Variants in THSD4 observed in about 807,000 individuals in gnomAD.
THSD4 encodes thrombospondin type-1 domain-containing protein 4.
In THSD4, 69 loss-of-function variants were observed where a neutral mutation model predicts 119.0. The ratio of observed to expected loss-of-function variants is 0.58; its 90% confidence interval spans 0.48 to 0.71. The LOEUF is 0.71. Ranked by LOEUF, THSD4 falls within the 30% of genes least tolerant of loss-of-function variation. The pLI is 0.00. For missense variants in THSD4, 1,393 were observed against 1,391.1 expected (o/e 1.00, Z -0.02); for synonymous variants, 524 against 540.4 (o/e 0.97, Z 0.42).
chr15:71,546,106 C>G (rs74022160), intron 7 of THSD4, among the ~76,000 whole-genome samples: 1,930 of 152,246 alleles, frequency 0.013, 46 homozygotes, highest in African/African-American at 0.045. Context: ...TCATCATAAC[C>G]ATAGGATGGC....
intron 7 of THSD4, among the ~76,000 whole-genome samples, chr15:71,499,089 T>G (rs552032197): frequency 1.4e-4 from 21 of 152,158 alleles, no homozygotes; most frequent in Non-Finnish European, 2.4e-4. Flanking sequence ...TTCTAAGTGC[T>G]GTAGCTTGGC....
chr15:71,429,241 T>C (rs1208457443), intron 7 of THSD4, among the ~76,000 whole-genome samples: 3 of 152,142 alleles, frequency 2.0e-5, no homozygotes, highest in Non-Finnish European at 2.9e-5. Flanking sequence ...CCCTTCTCCA[T>C]AGAGGAAAGA....
chr15:71,143,471 C>T (rs1465245579), intron 2 of THSD4, among the ~76,000 whole-genome samples: 2 of 151,832 alleles, frequency 1.3e-5, no homozygotes, highest in South Asian at 2.1e-4. Flanking sequence ...AGGTCACAGT[C>T]GGTTATTGAA....
intron 1 of THSD4, among the ~76,000 whole-genome samples, chr15:71,139,656 A>G (rs998021361): frequency 6.6e-6 from 1 of 152,232 alleles, no homozygotes; most frequent in African/African-American, 2.4e-5. Context: ...GGCCTGTGGT[A>G]ACTTAAAATC....
rs1011745273 is a variant in THSD4, at chr15:71,777,522, C to T, written c.*148C>T. ...ACCACCCCTGCCTCCGGTGAATGCA[C>T]CCCGTGGTACCCAGGGGCTTTTTAC... On this transcript the variant is annotated 3_prime_UTR_variant, in exon 18 of 18. Coordinates refer to ENST00000261862, the MANE Select transcript of THSD4 (RefSeq NM_024817.3). The T allele has an allele frequency of 1.1e-5, 12 of 1,088,478 alleles. No individual in the cohort carries two copies. The highest frequency in any genetic ancestry group is 1.6e-5 in the South Asian group (1 of 62,278). 67.4% of individuals were successfully genotyped at this position (1,088,478 alleles called of 1,614,324 possible).
intron 7 of THSD4, among the ~76,000 whole-genome samples, chr15:71,575,055 C>T (rs976178433): frequency 6.6e-6 from 1 of 152,052 alleles, no homozygotes; most frequent in Non-Finnish European, 1.5e-5. Flanking sequence ...ATCTCACTAT[C>T]GTATTTACTA....
intron 7 of THSD4, among the ~76,000 whole-genome samples, chr15:71,480,607 G>A (rs542435946): frequency 2.0e-5 from 3 of 152,274 alleles, no homozygotes; most frequent in African/African-American, 4.8e-5. Context: ...GAGGTGGAGC[G>A]GGCTCTGCTC....
intron 7 of THSD4, among the ~76,000 whole-genome samples, chr15:71,497,527 AGGCATATAT>A (rs1217162914): frequency 1.3e-5 from 2 of 152,002 alleles, no homozygotes; most frequent in East Asian, 3.9e-4. Context: ...ACAAAAAAAA[AGGCATATAT>A]GTGAGTGAAA....
chr15:71,370,291 C>T (rs1470906847), intron 6 of THSD4, among the ~76,000 whole-genome samples: 3 of 152,130 alleles, frequency 2.0e-5, no homozygotes, highest in Non-Finnish European at 4.4e-5. Flanking sequence ...TTCAGTTCTG[C>T]TCTGATCTTA....
chr15:71,638,255 C>CA, intron 7 of THSD4, among the ~76,000 whole-genome samples: 1 of 152,244 alleles, frequency 6.6e-6, no homozygotes, highest in Non-Finnish European at 1.5e-5. Context: ...ATAGTGTAGA[C>CA]AAGTGAATAC....
intron 7 of THSD4, among the ~76,000 whole-genome samples, chr15:71,425,974 T>C (rs2046861409): frequency 6.6e-6 from 1 of 152,204 alleles, no homozygotes; most frequent in African/African-American, 2.4e-5. Context: ...TCTGAATTTC[T>C]CGAGTCCTTG....
chr15:71,777,369 A>G lies in THSD4; in HGVS notation c.3052A>G (p.Arg1018Gly), dbSNP rs1314421769. Residue 1018 changes from arginine (R) to glycine (G), a missense_variant, in exon 18 of 18, where the codon AGA becomes GGA. Coordinates refer to ENST00000261862, the MANE Select transcript of THSD4 (RefSeq NM_024817.3). ...CAGGCAGACGGGCTTCCTGGGGAGC[A>G]GATAACACTCCTGCACCCCCATCAG... Reference protein sequence around the residue: ...ANRQTGFLGSR With the variant: ...ANRQTGFLGSG The G allele has an allele frequency of 4.3e-6, 7 of 1,613,606 alleles. No homozygotes were observed. The highest frequency in any genetic ancestry group is 5.9e-6 in the Non-Finnish European group (7 of 1,179,922).
chr15:71,249,609 T>TAC (rs907310891), intron 5 of THSD4, among the ~76,000 whole-genome samples: 6 of 151,720 alleles, frequency 4.0e-5, no homozygotes, highest in Non-Finnish European at 7.4e-5. Context: ...CATATATATA[T>TAC]ACACACACAC....
At chr15:71,374,511 A>G (rs1222872009) in intron 6 of THSD4, among the ~76,000 whole-genome samples, 1 of 152,134 alleles carries the variant, frequency 6.6e-6, no homozygotes, top group Admixed American at 6.5e-5. Context: ...TAAATATCCA[A>G]ATCAGAAAGT....
chr15:71,527,361 A>G (rs1205324124), intron 7 of THSD4, among the ~76,000 whole-genome samples: 2 of 152,348 alleles, frequency 1.3e-5, no homozygotes, highest in African/African-American at 2.4e-5. Flanking sequence ...TGATGAATAC[A>G]AAAAGGCTTG....
At chr15:71,109,283 C>G (rs1042231114) in intron 1 of THSD4, among the ~76,000 whole-genome samples, 2 of 152,164 alleles carry the variant, frequency 1.3e-5, no homozygotes, top group African/African-American at 4.8e-5. Context: ...TGTCTGTAAG[C>G]CATGATGTGG....
chr15:71,398,796 C>T (rs750230979), intron 6 of THSD4, among the ~76,000 whole-genome samples: 10 of 152,166 alleles, frequency 6.6e-5, no homozygotes, highest in Non-Finnish European at 1.2e-4. Context: ...CAGTTCTGCA[C>T]AGGTTTCATG....
intron 1 of THSD4, among the ~76,000 whole-genome samples, chr15:71,125,869 T>G (rs1213500075): frequency 1.3e-5 from 2 of 152,238 alleles, no homozygotes; most frequent in Non-Finnish European, 2.9e-5. Flanking sequence ...GAGACCCGTC[T>G]TAAGTAGACG....
At chr15:71,573,061 A>G (rs1252217683) in intron 7 of THSD4, among the ~76,000 whole-genome samples, 1 of 152,132 alleles carries the variant, frequency 6.6e-6, no homozygotes, top group Non-Finnish European at 1.5e-5. Context: ...TTACACATAG[A>G]GGCCTGAGCT....
Sources: gnomAD v4.1 joint callset for allele counts (sites outside exome capture counted in the v4.1 genomes callset) on GRCh38, gnomAD v4.1.1 for gene constraint, MANE v1.5 for transcripts, NCBI Gene and HGNC (gene_info 2026-07-23, HGNC 2026-07-21) for gene names.